Variants in ZNF804A observed in about 807,000 individuals in gnomAD.
The protein encoded by ZNF804A is zinc finger protein 804A.
In ZNF804A, 2 loss-of-function variants were observed where a neutral mutation model predicts 16.5. The observed-to-expected ratio is 0.12, with a 90% CI of 0.05 to 0.38. The LOEUF (loss-of-function observed/expected upper bound fraction) is 0.38. Ranked by LOEUF, ZNF804A falls within the 10% of genes least tolerant of loss-of-function variation. The pLI is 0.99. For missense variants in ZNF804A, 1,473 were observed against 1,390.7 expected (o/e 1.06, Z -0.94); for synonymous variants, 534 against 489.6 (o/e 1.09, Z -1.20).
intron 2 of ZNF804A, among the ~76,000 whole-genome samples, chr2:184,879,585 T>C (rs540754711): frequency 2.6e-5 from 4 of 152,150 alleles, no homozygotes; most frequent in African/African-American, 7.2e-5. Flanking sequence ...TTGTTCATAC[T>C]TTTTAGGAAT....
chr2:184,737,708 G>A (rs1693649733), intron 1 of ZNF804A, among the ~76,000 whole-genome samples: 1 of 152,032 alleles, frequency 6.6e-6, no homozygotes, highest in African/African-American at 2.4e-5. Flanking sequence ...GACTTTCATA[G>A]TAATATACAT....
intron 1 of ZNF804A, among the ~76,000 whole-genome samples, chr2:184,635,863 G>A (rs897197029): frequency 2.0e-5 from 3 of 152,092 alleles, no homozygotes; most frequent in African/African-American, 7.2e-5. Flanking sequence ...ATAATGATAT[G>A]TTAAGGAAAT....
chr2:184,653,566 C>A (rs968759572), intron 1 of ZNF804A, among the ~76,000 whole-genome samples: 1 of 152,168 alleles, frequency 6.6e-6, no homozygotes, highest in East Asian at 1.9e-4. Flanking sequence ...ATTTGGAGAT[C>A]GAGTGCAGAG....
chr2:184,784,250 TA>T (rs1367668194), intron 1 of ZNF804A, among the ~76,000 whole-genome samples: 1 of 151,592 alleles, frequency 6.6e-6, no homozygotes, highest in Non-Finnish European at 1.5e-5. Context: ...TCCAGGAGAG[TA>T]TTGTGTTTCA....
intron 1 of ZNF804A, among the ~76,000 whole-genome samples, chr2:184,712,303 G>A (rs1693143010): frequency 6.6e-6 from 1 of 151,614 alleles, no homozygotes; most frequent in Non-Finnish European, 1.5e-5. Flanking sequence ...ACCAGACATA[G>A]TATATTCCTG....
chr2:184,646,814 T>C (rs1394458648), intron 1 of ZNF804A, among the ~76,000 whole-genome samples: 2 of 152,232 alleles, frequency 1.3e-5, no homozygotes, highest in African/African-American at 4.8e-5. Context: ...GGCCAGACAC[T>C]GTATTCTCCC....
At chr2:184,848,258 T>C (rs1478894328) in intron 1 of ZNF804A, among the ~76,000 whole-genome samples, 1 of 152,042 alleles carries the variant, frequency 6.6e-6, no homozygotes, top group Admixed American at 6.6e-5. Flanking sequence ...CAAACATTTT[T>C]AGCAGCTCTG....
intron 1 of ZNF804A, among the ~76,000 whole-genome samples, chr2:184,739,408 G>T (rs911112051): frequency 1.3e-5 from 2 of 152,024 alleles, no homozygotes; most frequent in East Asian, 1.9e-4. Context: ...TTTGCAGTGT[G>T]GGGGGAACAG....
chr2:184,665,297 T>C (rs560284354), intron 1 of ZNF804A, among the ~76,000 whole-genome samples: 18 of 152,318 alleles, frequency 1.2e-4, no homozygotes, highest in African/African-American at 4.1e-4. Flanking sequence ...ATCATGAAGA[T>C]GCCCATGGAT....
At chr2:184,713,023 T>C (rs1285217849) in intron 1 of ZNF804A, among the ~76,000 whole-genome samples, 1 of 151,784 alleles carries the variant, frequency 6.6e-6, no homozygotes, top group African/African-American at 2.4e-5. Flanking sequence ...CCATTTCTAA[T>C]TTAGGTAACT....
intron 2 of ZNF804A, among the ~76,000 whole-genome samples, chr2:184,875,561 C>T (rs1696041911): frequency 6.6e-6 from 1 of 152,006 alleles, no homozygotes; most frequent in African/African-American, 2.4e-5. Context: ...AACTGTGAGC[C>T]AAATCAGCCT....
intron 1 of ZNF804A, among the ~76,000 whole-genome samples, chr2:184,613,612 A>G (rs1279791816): frequency 1.3e-5 from 2 of 152,180 alleles, no homozygotes; most frequent in Non-Finnish European, 2.9e-5. Context: ...GTAAGGGGAA[A>G]GAGAAATTAA....
rs78093132 is a variant in ZNF804A, at chr2:184,756,438, T to C, written c.112-109931T>C. Reference sequence around the variant, plus strand: ...TTCTGTAACTAAAGAATTTTGAGTTTTCACTTATGTCAGATTCATACACTT... The same window carrying C: ...TTCTGTAACTAAAGAATTTTGAGTTCTCACTTATGTCAGATTCATACACTT... On this transcript the variant is annotated intron_variant, in intron 1 of 3. Coordinates refer to ENST00000302277, the MANE Select transcript of ZNF804A (RefSeq NM_194250.2). Among the ~76,000 whole-genome samples, 27 of 152,138 alleles carry C rather than the reference T, an allele frequency of 1.8e-4. No homozygotes were observed. In the East Asian group the frequency reaches 5.0e-3, roughly 28 times the overall value.
chr2:184,907,339 G>A lies in ZNF804A; in HGVS notation c.256-26264G>A, dbSNP rs558901676. On this transcript the variant is annotated intron_variant, in intron 2 of 3. Transcript: ENST00000302277. ...ATTGTTTCTGACTTGGAAATTACCT[G>A]TGATGGCTCTTCTTTCATCTATTAA... Among the ~76,000 whole-genome samples the A allele has an allele frequency of 1.3e-3, 196 of 152,184 alleles. 2 individuals are homozygous for A. Among genetic ancestry groups the A allele is most frequent in the African/African-American group, 4.3e-3 (178 of 41,550 alleles).
intron 2 of ZNF804A, among the ~76,000 whole-genome samples, chr2:184,886,457 C>G (rs551796772): frequency 5.3e-5 from 8 of 152,312 alleles, no homozygotes; most frequent in African/African-American, 1.9e-4. Flanking sequence ...TGGCCCTCCT[C>G]TCACAGCTCC....
intron 1 of ZNF804A, among the ~76,000 whole-genome samples, chr2:184,834,071 GTGA>G (rs1403851200): frequency 2.0e-5 from 3 of 152,022 alleles, no homozygotes; most frequent in African/African-American, 4.8e-5. Context: ...ATGGTTGTGA[GTGA>G]TGATTTTTCC....
chr2:184,680,083 G>A (rs938789305), intron 1 of ZNF804A, among the ~76,000 whole-genome samples: 4 of 152,232 alleles, frequency 2.6e-5, no homozygotes, highest in African/African-American at 9.6e-5. Flanking sequence ...GAGATGACCT[G>A]AAGACCTGCC....
chr2:184,648,926 A>G (rs1428555281), intron 1 of ZNF804A, among the ~76,000 whole-genome samples: 1 of 152,112 alleles, frequency 6.6e-6, no homozygotes, highest in Non-Finnish European at 1.5e-5. Flanking sequence ...CACTTGACCA[A>G]CTGAACCTAA....
intron 1 of ZNF804A, among the ~76,000 whole-genome samples, chr2:184,682,764 T>C (rs72899964): frequency 0.052 from 7,907 of 152,334 alleles, 263 homozygotes; most frequent in Non-Finnish European, 0.077. Context: ...AATTAAACTT[T>C]GGAATGCTGA....
Sources: allele counts gnomAD v4.1 joint callset (sites outside exome capture counted in the v4.1 genomes callset), GRCh38; gene constraint gnomAD v4.1.1; transcripts MANE v1.5; gene names NCBI Gene and HGNC (gene_info 2026-07-23, HGNC 2026-07-21).